The following ZNF160 variants were observed in gnomAD, a reference collection of about 807,000 sequenced individuals.
ZNF160 encodes the protein KRAB zinc finger protein KR18.
Under a neutral mutation model 13.1 loss-of-function variants are expected in ZNF160, and 9 were observed. The observed-to-expected ratio is 0.69, with a 90% CI of 0.41 to 1.20. The LOEUF (loss-of-function observed/expected upper bound fraction) is 1.20. Ranked by LOEUF, ZNF160 falls within the 50% of genes most tolerant of loss-of-function variation. The probability of loss-of-function intolerance (pLI) is 0.01; values close to 1 mark genes in which losing one functional copy is unlikely to be tolerated. For synonymous variants in ZNF160, 293 were observed against 333.2 expected (o/e 0.88, Z 1.31); for missense variants, 838 against 988.0 (o/e 0.85, Z 2.04).
At chr19:53,076,702 A>C (rs1018008626) in intron 3 of ZNF160, among the ~76,000 whole-genome samples, 1 of 152,190 alleles carries the variant, frequency 6.6e-6, no homozygotes, top group Non-Finnish European at 1.5e-5. Context: ...AGTCCCAAGC[A>C]CTACCCATGG....
intron 5 of ZNF160, chr19:53,073,611 C>A: frequency 7.2e-7 from 1 of 1,390,648 alleles, no homozygotes; most frequent in Non-Finnish European, 9.4e-7. Flanking sequence ...AAGAACTGAG[C>A]ACCATATGGA....
At position 53,075,821 on chromosome 19, in the gene ZNF160, A is replaced by G. The variant is rs551040057; in HGVS notation, c.16-638T>C. 2.9e-5 allele frequency: 15 copies of G among 518,986 alleles called. No individual in the cohort carries two copies. The East Asian group carries it at 6.0e-4, about 21-fold the overall frequency. The allele number at this position is 518,986 out of a possible 1,614,324, so 32.1% of individuals were successfully genotyped here. ...TTCAAGGAGGGGGTCATCAGAATTCACAATTCACAGCTGGTCATTGAGAAG... is the reference window on the plus strand; with the variant it reads ...TTCAAGGAGGGGGTCATCAGAATTCGCAATTCACAGCTGGTCATTGAGAAG... On this transcript the variant is annotated intron_variant, in intron 3 of 5. Coordinates refer to ENST00000683776, the MANE Select transcript of ZNF160 (RefSeq NM_001322131.2).
intron 3 of ZNF160, among the ~76,000 whole-genome samples, chr19:53,076,550 A>T (rs1420982136): frequency 2.6e-5 from 4 of 152,168 alleles, no homozygotes; most frequent in Non-Finnish European, 4.4e-5. Flanking sequence ...AAGGCAGGAG[A>T]ATCACTTAAA....
Position 53,069,952 on chromosome 19 carries a change from T to C in ZNF160, c.582A>G (p.Leu194=). ...SFHSHLPELQ[L]FQGEGKMYEC... ...CATACATTTTCCCCTCACCTTGAAA[T>C]AGCTGCAGTTCAGGCAGATGAGAAT... The change falls in exon 6 of 6, where the codon CTA becomes CTG. Residue 194 remains leucine (L), a synonymous_variant. Coordinates refer to ENST00000683776, the MANE Select transcript of ZNF160 (RefSeq NM_001322131.2). This position sits in a 1 kb window ranked among gnomAD's most constrained non-coding sequence, Gnocchi z 4.4. The C allele has an allele frequency of 1.2e-6, 2 of 1,614,140 alleles. No individual in the cohort carries two copies. The highest frequency in any genetic ancestry group is 1.1e-5 in the South Asian group (1 of 91,088).
chr19:53,083,829 C>T (rs1004707485), intron 3 of ZNF160, among the ~76,000 whole-genome samples: 1 of 152,182 alleles, frequency 6.6e-6, no homozygotes, highest in African/African-American at 2.4e-5. Flanking sequence ...ATTGCTTAGG[C>T]CAAGGAGGTC....
At position 53,068,657 on chromosome 19, in the gene ZNF160, C is replaced by T. The variant is rs770233565; in HGVS notation, c.1877G>A (p.Cys626Tyr). The change falls in exon 6 of 6, where the codon TGC becomes TAC. Residue 626 changes from cysteine (C) to tyrosine (Y), a missense_variant. Cys to Tyr is a radical substitution (Grantham distance 194, BLOSUM62 -2). Transcript: ENST00000683776. The stretch of plus-strand genomic sequence containing the variant: ...TGAATTGTGCCTAAAAACCTTGCCG[C>T]ATTCATGACATTTGTAAGGTTTCTC... ...TGEKPYKCHE[C>Y]GKVFRHNSYL... 1 of 1,613,904 alleles carries T rather than the reference C, an allele frequency of 6.2e-7. No individual in the cohort carries two copies. Among genetic ancestry groups the T allele is most frequent in the Non-Finnish European group, 8.5e-7 (1 of 1,179,994 alleles).
chr19:53,094,597 C>T (rs141550896), intron 1 of ZNF160, among the ~76,000 whole-genome samples: 61 of 152,212 alleles, frequency 4.0e-4, no homozygotes, highest in African/African-American at 1.4e-3. Context: ...TCACTTAAAT[C>T]GTTTTCAATG....
chr19:53,093,167 G>T (rs755421441), intron 1 of ZNF160, among the ~76,000 whole-genome samples: 1 of 152,228 alleles, frequency 6.6e-6, no homozygotes, highest in Non-Finnish European at 1.5e-5. Context: ...GGGCACGGTG[G>T]TTCATGCCTG....
rs2084013999 is a variant in ZNF160, at chr19:53,067,869, T to C, written c.*208A>G. 5.2e-6 allele frequency: 3 copies of C among 580,200 alleles called. No homozygotes were observed. The highest frequency in any genetic ancestry group is 1.9e-5 in the African/African-American group (1 of 53,658). 35.9% of individuals were successfully genotyped at this position (580,200 alleles called of 1,614,324 possible). A position where few individuals can be genotyped will look rare whatever the true frequency, so the allele number is the denominator to read the frequency against. On this transcript the variant is annotated 3_prime_UTR_variant, in exon 6 of 6. Coordinates refer to ENST00000683776, the MANE Select transcript of ZNF160 (RefSeq NM_001322131.2). ...CATTTGTTTCGTTTCATCAAAGATA[T>C]AAATCTTGATGCCTAGTAACCTGCG...
At chr19:53,080,075 G>A (rs2084568364) in intron 3 of ZNF160, among the ~76,000 whole-genome samples, 2 of 151,490 alleles carry the variant, frequency 1.3e-5, no homozygotes, top group East Asian at 3.9e-4. Flanking sequence ...AAAGTCTCAG[G>A]ATTTAAAATC....
intron 2 of ZNF160, among the ~76,000 whole-genome samples, chr19:53,087,523 G>A (rs2084883180): frequency 6.6e-6 from 1 of 152,104 alleles, no homozygotes; most frequent in South Asian, 2.1e-4. Context: ...ATGTTTGGAG[G>A]AGTTTGGGAA....
chr19:53,097,351 T>A (rs991166474), intron 1 of ZNF160, among the ~76,000 whole-genome samples: 2 of 148,608 alleles, frequency 1.3e-5, no homozygotes, highest in Admixed American at 1.4e-4. Context: ...CAACAAACCC[T>A]CCCTAATGAA....
intron 1 of ZNF160, among the ~76,000 whole-genome samples, chr19:53,098,542 C>T (rs1229061998): frequency 3.3e-5 from 5 of 151,568 alleles, no homozygotes; most frequent in Non-Finnish European, 5.9e-5. Context: ...CCGGATTGAG[C>T]TGGCGGAGGA....
chr19:53,069,195 G>A lies in ZNF160; in HGVS notation c.1339C>T (p.His447Tyr), dbSNP rs780031100. 1 of 1,614,014 alleles carries A rather than the reference G, an allele frequency of 6.2e-7. No homozygotes were observed. Among genetic ancestry groups the A allele is most frequent in the Non-Finnish European group, 8.5e-7 (1 of 1,179,918 alleles). The part of the protein sequence containing the change: ...NSYLGRHRRV[H>Y]TGEKPYKCNE... ...CACTTGTAAGGTTTCTCACCAGTATGAACTCTCCGATGCCTTCCGAGGTAT... is the reference window on the plus strand; with the variant it reads ...CACTTGTAAGGTTTCTCACCAGTATAAACTCTCCGATGCCTTCCGAGGTAT... The change falls in exon 6 of 6, where the codon CAT (histidine) becomes TAT (tyrosine). Residue 447 changes from histidine (H) to tyrosine (Y), a missense_variant. Physicochemically the swap from His to Tyr is moderately conservative, Grantham distance 83 (BLOSUM62 2). Transcript: ENST00000683776. This position sits in a 1 kb window ranked among gnomAD's most constrained non-coding sequence, Gnocchi z 4.4.
chr19:53,089,227 G>T lies in ZNF160; in HGVS notation c.-46+2186C>A, dbSNP rs145417859. Among the ~76,000 whole-genome samples, 626 of 152,272 alleles carry T rather than the reference G, an allele frequency of 4.1e-3. 4 individuals carry two copies. The highest frequency in any genetic ancestry group is 0.014 in the African/African-American group (593 of 41,566). On this transcript the variant is annotated intron_variant, in intron 2 of 5. Coordinates refer to ENST00000683776, the MANE Select transcript of ZNF160 (RefSeq NM_001322131.2). ...TGTGGAACTGACCAACCAGTAAACA[G>T]CATCTGATCCTAATTCTAGCTGGAC...
intron 1 of ZNF160, among the ~76,000 whole-genome samples, chr19:53,094,075 G>T (rs1428458525): frequency 6.6e-6 from 1 of 152,144 alleles, no homozygotes; most frequent in Non-Finnish European, 1.5e-5. Context: ...CTTCCAAAAT[G>T]CATCCGAAAG....
At chr19:53,094,377 G>A (rs1311118498) in intron 1 of ZNF160, among the ~76,000 whole-genome samples, 1 of 152,104 alleles carries the variant, frequency 6.6e-6, no homozygotes, top group African/African-American at 2.4e-5. Flanking sequence ...AGCACAAGTA[G>A]AAATTTCACC....
intron 3 of ZNF160, among the ~76,000 whole-genome samples, chr19:53,076,362 C>G (rs986180502): frequency 6.6e-6 from 1 of 152,152 alleles, no homozygotes; most frequent in African/African-American, 2.4e-5. Flanking sequence ...ATAATGCGGC[C>G]GGGCGTGGCG....
At chr19:53,102,534 G>T (rs979071026) in intron 1 of ZNF160, among the ~76,000 whole-genome samples, 2 of 152,072 alleles carry the variant, frequency 1.3e-5, no homozygotes, top group Non-Finnish European at 2.9e-5. Flanking sequence ...TCTACATTTC[G>T]CCAATTGCTT....
Sources: allele counts gnomAD v4.1 joint callset (sites outside exome capture counted in the v4.1 genomes callset), GRCh38; gene constraint gnomAD v4.1.1; non-coding constraint Gnocchi (gnomAD v3.1); transcripts MANE v1.5; gene names NCBI Gene and HGNC (gene_info 2026-07-23, HGNC 2026-07-21).